The following ADAMTS17 variants were observed in gnomAD, a reference collection of about 807,000 sequenced individuals.
The protein encoded by ADAMTS17 is A disintegrin and metalloproteinase with thrombospondin motifs 17.
ADAMTS17 carries 113 observed loss-of-function variants against 141.5 expected under a neutral mutation model. The observed-to-expected ratio is 0.80, with a 90% CI of 0.69 to 0.93. The LOEUF (loss-of-function observed/expected upper bound fraction) is 0.93, where lower values mean the gene tolerates loss of function less well. Among genes scored for constraint, ADAMTS17 ranks in the 40% least tolerant of loss-of-function variants. The probability of loss-of-function intolerance (pLI) is 0.00; values close to 1 mark genes in which losing one functional copy is unlikely to be tolerated. For missense variants in ADAMTS17, 1,659 were observed against 1,517.9 expected (o/e 1.09, Z -1.54); for synonymous variants, 768 against 630.6 (o/e 1.22, Z -3.27).
intron 3 of ADAMTS17, among the ~76,000 whole-genome samples, chr15:100,301,879 AT>A (rs1332523882): frequency 8.5e-5 from 13 of 152,186 alleles, no homozygotes; most frequent in African/African-American, 3.1e-4. Flanking sequence ...AAGCATCCTA[AT>A]TTATGTTTTA....
intron 20 of ADAMTS17, among the ~76,000 whole-genome samples, chr15:99,991,336 C>T (rs1043355291): frequency 6.6e-6 from 1 of 152,134 alleles, no homozygotes; most frequent in Non-Finnish European, 1.5e-5. Flanking sequence ...AAAAACCAAA[C>T]AACCCCATCA....
chr15:100,263,607 C>T (rs2043605776), intron 4 of ADAMTS17, among the ~76,000 whole-genome samples: 1 of 152,288 alleles, frequency 6.6e-6, no homozygotes, highest in East Asian at 1.9e-4. Context: ...AAGCCCACTG[C>T]AGCTGACGAG....
Position 100,109,091 on chromosome 15 carries a change from C to T in ADAMTS17, c.1914G>A (p.Ser638=), listed in dbSNP as rs773919233. ...VDDKPCELYC[S]PLGKESPLLV... is the part of the protein sequence containing the mutation. ...GCAGTGGGGACTCCTTCCCGAGGGG[C>T]GAGCAGTAGAGTTCACATGGCTTAT... Residue 638 remains serine (S), a synonymous_variant, in exon 14 of 22, where the codon TCG becomes TCA. Transcript: ENST00000268070. 14 of 1,613,474 alleles carry T rather than the reference C, an allele frequency of 8.7e-6. No individual in the cohort carries two copies. The African/African-American group carries it at 9.3e-5, about 11-fold the overall frequency.
chr15:100,318,741 A>G (rs1209141814), intron 3 of ADAMTS17, among the ~76,000 whole-genome samples: 1 of 152,240 alleles, frequency 6.6e-6, no homozygotes, highest in Non-Finnish European at 1.5e-5. Flanking sequence ...CACGCCTGTA[A>G]GTGAGTGAAT....
At chr15:100,332,182 G>A (rs1203407769) in intron 2 of ADAMTS17, among the ~76,000 whole-genome samples, 1 of 152,206 alleles carries the variant, frequency 6.6e-6, no homozygotes, top group Non-Finnish European at 1.5e-5. Flanking sequence ...AAATAAAACT[G>A]TCTCAAAGTG....
intron 7 of ADAMTS17, among the ~76,000 whole-genome samples, chr15:100,228,049 T>C (rs1021100975): frequency 6.6e-6 from 1 of 152,230 alleles, no homozygotes; most frequent in Non-Finnish European, 1.5e-5. Context: ...CTCAAGGCCC[T>C]GCAGATACAG....
At position 100,048,963 on chromosome 15, in the gene ADAMTS17, G is replaced by A. The variant is rs540550126; in HGVS notation, c.2485C>T (p.Arg829Trp). The change falls in exon 18 of 22, where the codon CGG becomes TGG. Residue 829 changes from arginine to tryptophan, a missense_variant. Physicochemically the swap from Arg to Trp is moderately radical, Grantham distance 101. Coordinates refer to ENST00000268070, the MANE Select transcript of ADAMTS17 (RefSeq NM_139057.4). ...AGAGTTGTGGTCTTGTTGACAATCC[G>A]TGTACACGAGACGATGGTTCTGCGC... ...GERRTIVSCTRIVNKTTTLVN... is the reference protein window; with the variant it reads ...GERRTIVSCTWIVNKTTTLVN... 28 of 1,614,156 alleles carry A rather than the reference G, an allele frequency of 1.7e-5. No homozygotes were observed. The highest frequency in any genetic ancestry group is 6.7e-5 in the African/African-American group (5 of 75,040).
chr15:100,107,682 C>A (rs1406152515), intron 14 of ADAMTS17, among the ~76,000 whole-genome samples: 1 of 152,108 alleles, frequency 6.6e-6, no homozygotes, highest in Non-Finnish European at 1.5e-5. Context: ...AGAGAGCTCA[C>A]CAGCCCCTTC....
intron 7 of ADAMTS17, among the ~76,000 whole-genome samples, chr15:100,201,597 T>C (rs2041336134): frequency 6.6e-6 from 1 of 152,254 alleles, no homozygotes; most frequent in African/African-American, 2.4e-5. Flanking sequence ...CCAGGGCTCA[T>C]GTTTCACACA....
chr15:100,245,184 G>C (rs117037897), intron 7 of ADAMTS17, among the ~76,000 whole-genome samples: 225 of 152,332 alleles, frequency 1.5e-3, no homozygotes, highest in African/African-American at 5.3e-3. Context: ...ACTGACACCA[G>C]TGTCACCAAT....
chr15:100,028,908 CCTT>C (rs1357810526), intron 18 of ADAMTS17, among the ~76,000 whole-genome samples: 1 of 152,246 alleles, frequency 6.6e-6, no homozygotes, highest in East Asian at 1.9e-4. Flanking sequence ...ACAGGCATCT[CCTT>C]CTCAGTTTTC....
intron 7 of ADAMTS17, among the ~76,000 whole-genome samples, chr15:100,222,490 C>G (rs1388873203): frequency 6.6e-6 from 1 of 152,244 alleles, no homozygotes; most frequent in East Asian, 1.9e-4. Flanking sequence ...CAGTGCTGCA[C>G]TGGGAGAACA....
At chr15:100,143,330 G>A (rs1307234296) in intron 10 of ADAMTS17, among the ~76,000 whole-genome samples, 1 of 152,242 alleles carries the variant, frequency 6.6e-6, no homozygotes, top group Non-Finnish European at 1.5e-5. Context: ...CTGAGCTTAA[G>A]TAGCTTGAAA....
At chr15:100,284,906 C>T (rs1240355545) in intron 3 of ADAMTS17, among the ~76,000 whole-genome samples, 2 of 152,130 alleles carry the variant, frequency 1.3e-5, no homozygotes, top group Non-Finnish European at 2.9e-5. Context: ...TGTGGCCAGC[C>T]GGGGAGTGCT....
chr15:100,252,749 A>G (rs1223892780), intron 7 of ADAMTS17, among the ~76,000 whole-genome samples: 1 of 152,248 alleles, frequency 6.6e-6, no homozygotes, highest in African/African-American at 2.4e-5. Context: ...ATAACAAAGC[A>G]GGAGGAGTTG....
At chr15:100,171,843 G>A (rs1051882743) in intron 8 of ADAMTS17, among the ~76,000 whole-genome samples, 2 of 152,192 alleles carry the variant, frequency 1.3e-5, no homozygotes, top group African/African-American at 4.8e-5. Context: ...CTTCTCTGCT[G>A]CTAAGAACTT....
intron 10 of ADAMTS17, among the ~76,000 whole-genome samples, chr15:100,135,648 AAG>A (rs2038292617): frequency 2.6e-5 from 4 of 152,212 alleles, no homozygotes; most frequent in Admixed American, 2.6e-4. Context: ...TGCAATACAT[AAG>A]AGATTTGTAA....
chr15:100,111,469 G>T (rs2036777407), intron 13 of ADAMTS17, among the ~76,000 whole-genome samples: 1 of 152,254 alleles, frequency 6.6e-6, no homozygotes, highest in Non-Finnish European at 1.5e-5. Flanking sequence ...GAGCTTGCTT[G>T]ACAGGGTCAC....
At chr15:100,124,884 A>C (rs1469791305) in intron 12 of ADAMTS17, among the ~76,000 whole-genome samples, 1 of 152,196 alleles carries the variant, frequency 6.6e-6, no homozygotes, top group Non-Finnish European at 1.5e-5. Context: ...ACAAGCCCAG[A>C]GCAGAGAAGC....
Sources: gnomAD v4.1 joint callset for allele counts (sites outside exome capture counted in the v4.1 genomes callset) on GRCh38, gnomAD v4.1.1 for gene constraint, MANE v1.5 for transcripts, NCBI Gene and HGNC (gene_info 2026-07-23, HGNC 2026-07-21) for gene names.